GSK3B: variants seen among roughly 807,000 people sequenced by gnomAD.
The protein encoded by GSK3B is glycogen synthase kinase 3 beta.
A neutral mutation model predicts 56.4 loss-of-function variants in GSK3B; 15 were observed. The ratio of observed to expected loss-of-function variants is 0.27; its 90% confidence interval spans 0.18 to 0.41. The LOEUF (loss-of-function observed/expected upper bound fraction) is 0.41. Ranked by LOEUF, GSK3B falls within the 10% of genes least tolerant of loss-of-function variation. The pLI, the probability that GSK3B is intolerant of heterozygous loss-of-function variation, is 1.00. For missense variants in GSK3B, 300 were observed against 513.4 expected, an observed-to-expected ratio of 0.58 and a Z score of 4.02; for synonymous variants, 181 against 188.9, an observed-to-expected ratio of 0.96 and a Z score of 0.34.
intron 1 of GSK3B, chr3:120,084,692 CCTGT>C (rs1233554543): frequency 2.0e-5 from 3 of 152,224 alleles, no homozygotes; most frequent in South Asian, 2.1e-4. Context: ...AAAAAATTAT[CCTGT>C]CTTTTTATTA....
intron 10 of GSK3B, among the ~76,000 whole-genome samples, chr3:119,839,491 C>T (rs2055740172): frequency 6.6e-6 from 1 of 152,128 alleles, no homozygotes; most frequent in South Asian, 2.1e-4. Context: ...AGCAGTTTAT[C>T]TAGGAGCCTC....
At chr3:119,918,085 T>A (rs1475263684) in intron 4 of GSK3B, among the ~76,000 whole-genome samples, 1 of 152,174 alleles carries the variant, frequency 6.6e-6, no homozygotes, top group Non-Finnish European at 1.5e-5. Context: ...CACAATATTC[T>A]GTAGTGGTTT....
rs200600198 is a variant in GSK3B, at chr3:120,002,188, C to A, written c.140G>T (p.Gly47Val). 4 of 1,604,150 alleles carry A rather than the reference C, an allele frequency of 2.5e-6. No homozygotes were observed. Among genetic ancestry groups the A allele is most frequent in the South Asian group, 2.2e-5 (2 of 89,074 alleles). ...VTTVVATPGQ[G>V]PDRPQEVSYT... ...GCTGACTTCTTGTGGCCTGTCTGGA[C>A]CCTGCCCAGGAGTTGCCACCACTGT... The change falls in exon 2 of 11, where the codon GGT (glycine) becomes GTT (valine). Residue 47 changes from glycine (G) to valine (V), a missense_variant. By Grantham distance (109) the Gly-to-Val change is moderately radical. Transcript: ENST00000264235.
At chr3:119,995,478 T>C (rs1343755544) in intron 2 of GSK3B, among the ~76,000 whole-genome samples, 1 of 152,150 alleles carries the variant, frequency 6.6e-6, no homozygotes, top group Non-Finnish European at 1.5e-5. Flanking sequence ...ATTATTTTTT[T>C]TTTTTGAGAC....
At chr3:119,882,409 T>C (rs530114621) in intron 7 of GSK3B, among the ~76,000 whole-genome samples, 2 of 152,238 alleles carry the variant, frequency 1.3e-5, no homozygotes, top group South Asian at 4.1e-4. Context: ...AACAAAAAAG[T>C]TGTGAAAGTT....
chr3:120,048,202 T>C (rs907493752), intron 1 of GSK3B, among the ~76,000 whole-genome samples: 2 of 152,182 alleles, frequency 1.3e-5, no homozygotes, highest in African/African-American at 4.8e-5. Context: ...AAAAACAGAA[T>C]GATGCTAAAA....
chr3:119,889,724 A>C (rs567067303), intron 7 of GSK3B, among the ~76,000 whole-genome samples: 1 of 152,180 alleles, frequency 6.6e-6, no homozygotes, highest in Admixed American at 6.6e-5. Flanking sequence ...GAATGTAAAT[A>C]GTCTAAGTAC....
intron 1 of GSK3B, among the ~76,000 whole-genome samples, chr3:120,088,652 A>G (rs2107585321): frequency 6.6e-6 from 1 of 152,326 alleles, no homozygotes; most frequent in Admixed American, 6.5e-5. Context: ...ACACACAAAA[A>G]ATCAGCTAGA....
intron 1 of GSK3B, among the ~76,000 whole-genome samples, chr3:120,007,506 C>A (rs145048526): frequency 6.6e-6 from 1 of 152,066 alleles, no homozygotes; most frequent in Non-Finnish European, 1.5e-5. Flanking sequence ...AACACTGATG[C>A]GAAAATCCTC....
chr3:119,860,278 A>G (rs1334403203), intron 9 of GSK3B, among the ~76,000 whole-genome samples: 1 of 152,204 alleles, frequency 6.6e-6, no homozygotes, highest in Non-Finnish European at 1.5e-5. Flanking sequence ...TGATTCAGCT[A>G]TGGCTGAATT....
At chr3:119,885,153 TA>T (rs904507661) in intron 7 of GSK3B, among the ~76,000 whole-genome samples, 9 of 151,866 alleles carry the variant, frequency 5.9e-5, no homozygotes, top group Non-Finnish European at 1.3e-4. Flanking sequence ...AGTTTCAGGA[TA>T]AAAAATCAAC....
chr3:119,973,833 T>C (rs925365614), intron 2 of GSK3B, among the ~76,000 whole-genome samples: 1 of 152,146 alleles, frequency 6.6e-6, no homozygotes, highest in African/African-American at 2.4e-5. Context: ...GTTTTAGGCA[T>C]CCACTGGGGG....
At chr3:119,865,451 T>C (rs1444953308) in intron 8 of GSK3B, among the ~76,000 whole-genome samples, 2 of 18,298 alleles carry the variant, frequency 1.1e-4, no homozygotes, top group African/African-American at 2.3e-4. Context: ...TATATATATA[T>C]ATATATATAT....
chr3:119,867,452 G>T (rs2056198601), intron 8 of GSK3B, among the ~76,000 whole-genome samples: 1 of 151,944 alleles, frequency 6.6e-6, no homozygotes, highest in Non-Finnish European at 1.5e-5. Context: ...TTTCCTCTTT[G>T]GAAAAACTCT....
At chr3:119,901,355 A>C (rs2108076144) in intron 7 of GSK3B, among the ~76,000 whole-genome samples, 1 of 152,318 alleles carries the variant, frequency 6.6e-6, no homozygotes, top group Admixed American at 6.5e-5. Flanking sequence ...CTGATCTGAC[A>C]ATTCTATGCA....
At chr3:119,930,784 A>G (rs987947829) in intron 3 of GSK3B, among the ~76,000 whole-genome samples, 1 of 152,266 alleles carries the variant, frequency 6.6e-6, no homozygotes, top group Admixed American at 6.5e-5. Flanking sequence ...TTAGGCTACA[A>G]AAGTATTGTG....
chr3:120,069,161 G>A (rs537736148), intron 1 of GSK3B, among the ~76,000 whole-genome samples: 7 of 152,260 alleles, frequency 4.6e-5, no homozygotes, highest in South Asian at 2.1e-4. Flanking sequence ...TGACAGGGAC[G>A]AAGAGTATTT....
intron 6 of GSK3B, among the ~76,000 whole-genome samples, chr3:119,906,540 A>T (rs946508750): frequency 2.0e-5 from 3 of 152,096 alleles, no homozygotes; most frequent in Admixed American, 1.3e-4. Context: ...ATCCTGGTTT[A>T]CCCAGGATAG....
chr3:120,091,004 CAA>C (rs972013875), intron 1 of GSK3B, among the ~76,000 whole-genome samples: 1 of 152,150 alleles, frequency 6.6e-6, no homozygotes, highest in African/African-American at 2.4e-5. Context: ...TCTACCAGTT[CAA>C]GTTACCACCT....
Sources: allele counts gnomAD v4.1 joint callset (sites outside exome capture counted in the v4.1 genomes callset), GRCh38; gene constraint gnomAD v4.1.1; transcripts MANE v1.5; gene names NCBI Gene and HGNC (gene_info 2026-07-23, HGNC 2026-07-21).